Variants in ZBTB38 observed in about 807,000 individuals in gnomAD.
ZBTB38 encodes zinc finger and BTB domain containing 38.
ZBTB38 carries 20 observed loss-of-function variants against 76.8 expected under a neutral mutation model. The observed-to-expected ratio is 0.26, with a 90% CI of 0.18 to 0.38. The LOEUF (loss-of-function observed/expected upper bound fraction) is 0.38, where lower values mean the gene tolerates loss of function less well. Among genes scored for constraint, ZBTB38 ranks in the 10% least tolerant of loss-of-function variants. The pLI, the probability that ZBTB38 is intolerant of heterozygous loss-of-function variation, is 1.00. For synonymous variants in ZBTB38, 504 were observed against 544.2 expected (o/e 0.93, Z 1.03); for missense variants, 1,082 against 1,482.3 (o/e 0.73, Z 4.43).
chr3:141,346,811 T>TGTGTGC (rs1943375688), intron 1 of ZBTB38, among the ~76,000 whole-genome samples: 1 of 150,506 alleles, frequency 6.6e-6, no homozygotes, highest in South Asian at 2.1e-4. Flanking sequence ...TGTGTGTGTG[T>TGTGTGC]GTGTGGTGCA....
Position 141,443,193 on chromosome 3 carries a change from T to A in ZBTB38, c.805T>A (p.Phe269Ile), listed in dbSNP as rs1023562457. ...GAAAACATGCCGGAAGCCAAAGACA[T>A]TCTCCATACCACAGGATTCGGATTC... ...KPKTCRKPKT[F>I]SIPQDSDSAT... is the part of the protein sequence containing the mutation. The change falls in exon 6 of 6, where the codon TTC (phenylalanine) becomes ATC (isoleucine). Residue 269 changes from phenylalanine (F) to isoleucine (I), a missense_variant. By Grantham distance (21) the Phe-to-Ile change is conservative. Around this residue, in one of 8 missense-constraint regions of ZBTB38, gnomAD observed 324 missense variants for 359.1 expected, o/e 0.90. Coordinates refer to ENST00000321464, the MANE Select transcript of ZBTB38 (RefSeq NM_001376113.1). This position sits in a 1 kb window ranked among gnomAD's most constrained non-coding sequence, Gnocchi z 5.6. The A allele has an allele frequency of 6.2e-7, 1 of 1,614,102 alleles. No individual in the cohort carries two copies.
rs1944290334 is a variant in ZBTB38, at chr3:141,369,946, GGTAA to G, written c.-235+3_-235+6del. 6.6e-6 allele frequency: 1 copy of G among 152,124 alleles called. No homozygotes were observed. Among genetic ancestry groups the G allele is most frequent in the Non-Finnish European group, 1.5e-5 (1 of 68,018 alleles). 9.4% of individuals were successfully genotyped at this position (152,124 alleles called of 1,614,324 possible). ...ATCTGAATGTTGTGACCACTAATTT[GGTAA>G]GTGTCATTTGTCCCCAACAGCTACT... is the stretch of plus-strand genomic sequence containing the variant. On this transcript the variant is annotated splice_donor_variant and splice_donor_region_variant and intron_variant, in intron 2 of 5. Coordinates refer to ENST00000321464, the MANE Select transcript of ZBTB38 (RefSeq NM_001376113.1). LOFTEE classifies it low-confidence loss of function (5UTR_SPLICE).
chr3:141,351,433 C>T (rs1943509278), intron 1 of ZBTB38, among the ~76,000 whole-genome samples: 1 of 151,916 alleles, frequency 6.6e-6, no homozygotes, highest in Non-Finnish European at 1.5e-5. Context: ...AGTACAAAAA[C>T]ATATATCAGA....
chr3:141,349,870 A>T (rs907220031), intron 1 of ZBTB38, among the ~76,000 whole-genome samples: 5 of 152,210 alleles, frequency 3.3e-5, no homozygotes, highest in African/African-American at 1.2e-4. Context: ...GAGATATTGC[A>T]TCATAAAAGA....
Position 141,444,877 on chromosome 3 carries a change from A to G in ZBTB38, c.2489A>G (p.Asn830Ser). ...AKPALPGTST[N>S]SNVAPLCQIT... ...CCTGCTCTGCCGGGAACCTCCACAA[A>G]TAGTAATGTTGCACCCCTTTGCCAA... is the stretch of plus-strand genomic sequence containing the variant. The change falls in exon 6 of 6, where the codon AAT becomes AGT. Residue 830 changes from asparagine to serine, a missense_variant. Asn to Ser is a conservative substitution (Grantham distance 46). This residue lies in a region of ZBTB38 where 471 missense variants were observed against 581.0 expected (regional missense o/e 0.81). Coordinates refer to ENST00000321464, the MANE Select transcript of ZBTB38 (RefSeq NM_001376113.1). The surrounding 1 kb of genome is among the most constrained non-coding windows in gnomAD (Gnocchi z 5.1). 2 of 1,614,184 alleles carry G rather than the reference A, an allele frequency of 1.2e-6. No homozygotes were observed. Among genetic ancestry groups the G allele is most frequent in the Non-Finnish European group, 1.7e-6 (2 of 1,180,022 alleles).
chr3:141,385,313 G>A (rs1946812084), intron 3 of ZBTB38, among the ~76,000 whole-genome samples: 1 of 145,634 alleles, frequency 6.9e-6, no homozygotes, highest in Non-Finnish European at 1.5e-5. Flanking sequence ...TTATAAAAAT[G>A]TTGGCTTATG....
Position 141,378,782 on chromosome 3 carries a change from G to A in ZBTB38, c.-234-2643G>A, listed in dbSNP as rs568459606. Among the ~76,000 whole-genome samples, 9 of 152,302 alleles carry A rather than the reference G, an allele frequency of 5.9e-5. No homozygotes were observed. In the South Asian group the frequency reaches 1.9e-3, roughly 32 times the overall value. The stretch of plus-strand genomic sequence containing the variant: ...CATCTCGGATGGAATCAAAGCTCAA[G>A]TATGCCAGCAATGAATGTGAATGTG... On this transcript the variant is annotated intron_variant, in intron 2 of 5. Coordinates refer to ENST00000321464, the MANE Select transcript of ZBTB38 (RefSeq NM_001376113.1).
At chr3:141,334,445 TTTC>T (rs879918356) in intron 1 of ZBTB38, among the ~76,000 whole-genome samples, 26,397 of 111,656 alleles carry the variant, frequency 0.24, 2,877 homozygotes, top group Non-Finnish European at 0.26. Flanking sequence ...TCCTTCCTTC[TTTC>T]CTTTCTTCCT....
intron 2 of ZBTB38, among the ~76,000 whole-genome samples, chr3:141,378,004 C>T (rs1025865475): frequency 6.6e-6 from 1 of 151,934 alleles, no homozygotes; most frequent in Non-Finnish European, 1.5e-5. Context: ...CAGGGAGACC[C>T]GCATCTCTAC....
At chr3:141,402,593 G>C (rs1952553645) in intron 4 of ZBTB38, 1 of 151,000 alleles carries the variant, frequency 6.6e-6, no homozygotes, top group South Asian at 2.1e-4. Context: ...GGAAACCCTC[G>C]CAAGGGTTGA....
intron 2 of ZBTB38, among the ~76,000 whole-genome samples, chr3:141,380,160 C>A (rs960699355): frequency 6.6e-6 from 1 of 152,116 alleles, no homozygotes; most frequent in South Asian, 2.1e-4. Flanking sequence ...TCTCTTTGAA[C>A]CTAATTTTCT....
chr3:141,325,014 T>C (rs1196440826), intron 1 of ZBTB38, among the ~76,000 whole-genome samples: 1 of 152,380 alleles, frequency 6.6e-6, no homozygotes, highest in East Asian at 1.9e-4. Context: ...CAGCCGTTTG[T>C]TCTGTGTCTA....
At chr3:141,326,540 CTA>C (rs1942679745) in intron 1 of ZBTB38, among the ~76,000 whole-genome samples, 1 of 152,102 alleles carries the variant, frequency 6.6e-6, no homozygotes. Flanking sequence ...GATACAAGTA[CTA>C]TGTTTCCTAA....
intron 5 of ZBTB38, among the ~76,000 whole-genome samples, chr3:141,437,405 C>T (rs2079050979): frequency 6.6e-6 from 1 of 152,148 alleles, no homozygotes; most frequent in Non-Finnish European, 1.5e-5. Flanking sequence ...CCTGGATGTT[C>T]CCTGGGTATC....
rs547798484 is a variant in ZBTB38, at chr3:141,393,629, G to A, written c.-106+6692G>A. On this transcript the variant is annotated intron_variant, in intron 4 of 5. Coordinates refer to ENST00000321464, the MANE Select transcript of ZBTB38 (RefSeq NM_001376113.1). ...GGGGAGCTGGCTGTAGATAGAGAGG[G>A]CAGCATGGGGGCAGGGTGAGGATGC... Among the ~76,000 whole-genome samples the A allele has an allele frequency of 4.3e-4, 66 of 152,288 alleles. 2 individuals carry two copies. The South Asian group carries it at 0.013, about 30-fold the overall frequency.
intron 2 of ZBTB38, among the ~76,000 whole-genome samples, chr3:141,374,725 A>G (rs1945113245): frequency 6.6e-6 from 1 of 152,174 alleles, no homozygotes; most frequent in Non-Finnish European, 1.5e-5. Context: ...AAATCACTAG[A>G]TGGTCTTTGA....
At chr3:141,408,642 T>C (rs946736328) in intron 5 of ZBTB38, among the ~76,000 whole-genome samples, 1 of 152,190 alleles carries the variant, frequency 6.6e-6, no homozygotes, top group Non-Finnish European at 1.5e-5. Flanking sequence ...TATATAGACA[T>C]GTTTGGTGTT....
chr3:141,347,952 C>G (rs1943412377), intron 1 of ZBTB38, among the ~76,000 whole-genome samples: 1 of 152,196 alleles, frequency 6.6e-6, no homozygotes, highest in Non-Finnish European at 1.5e-5. Flanking sequence ...AATGGTTTCT[C>G]TTGTTCTGAT....
At chr3:141,412,347 C>G (rs1419639260) in intron 5 of ZBTB38, among the ~76,000 whole-genome samples, 2 of 152,152 alleles carry the variant, frequency 1.3e-5, no homozygotes, top group Non-Finnish European at 2.9e-5. Flanking sequence ...CTCTCAAAGC[C>G]GGTGGCCATT....
Sources: gnomAD v4.1 joint callset for allele counts (sites outside exome capture counted in the v4.1 genomes callset) on GRCh38, gnomAD v4.1.1 for gene constraint, gnomAD v4.1.1 regional missense constraint, Gnocchi (gnomAD v3.1) non-coding constraint, MANE v1.5 for transcripts, NCBI Gene and HGNC (gene_info 2026-07-23, HGNC 2026-07-21) for gene names.